Variants in TGFB2 observed in about 807,000 individuals in gnomAD.
TGFB2 encodes transforming growth factor beta 2.
Under a neutral mutation model 42.7 loss-of-function variants are expected in TGFB2, and 13 were observed. The ratio of observed to expected loss-of-function variants is 0.30; its 90% confidence interval spans 0.20 to 0.48. TGFB2 has a LOEUF of 0.48. TGFB2 is among the 20% of genes least tolerant of loss of function. The pLI is 0.99. For synonymous variants in TGFB2, 193 were observed against 193.6 expected (o/e 1.00, Z 0.03); for missense variants, 390 against 517.5 (o/e 0.75, Z 2.39).
chr1:218,366,184 G>A (rs1657380256), intron 1 of TGFB2, among the ~76,000 whole-genome samples: 2 of 152,180 alleles, frequency 1.3e-5, no homozygotes, highest in Non-Finnish European at 1.5e-5. Context: ...GTAGAGATAA[G>A]TCTCTCTATG....
chr1:218,403,168 T>C (rs1254415003), intron 1 of TGFB2, among the ~76,000 whole-genome samples: 1 of 152,078 alleles, frequency 6.6e-6, no homozygotes, highest in Non-Finnish European at 1.5e-5. Context: ...GCATGAATAC[T>C]TTTTTTCTTT....
chr1:218,427,813 T>G (rs1659673420), intron 2 of TGFB2, among the ~76,000 whole-genome samples: 1 of 152,236 alleles, frequency 6.6e-6, no homozygotes, highest in Non-Finnish European at 1.5e-5. Context: ...TGTGTCTTTA[T>G]AGCAGCATGA....
At chr1:218,354,630 T>C (rs913948166) in intron 1 of TGFB2, among the ~76,000 whole-genome samples, 6 of 152,180 alleles carry the variant, frequency 3.9e-5, no homozygotes, top group Non-Finnish European at 7.3e-5. Context: ...TTATGGAAAT[T>C]AGACTTTCAG....
At chr1:218,353,123 A>G (rs776259118) in intron 1 of TGFB2, among the ~76,000 whole-genome samples, 7 of 152,220 alleles carry the variant, frequency 4.6e-5, no homozygotes, top group Non-Finnish European at 1.0e-4. Flanking sequence ...ATTGATTTTA[A>G]GAGAGGGTCT....
chr1:218,431,411 G>T (rs1318025611), intron 2 of TGFB2, among the ~76,000 whole-genome samples: 2 of 152,140 alleles, frequency 1.3e-5, no homozygotes, highest in Non-Finnish European at 1.5e-5. Context: ...TTGGCATTAT[G>T]TGTCTTTTCT....
Position 218,443,974 on chromosome 1 carries a change from GTAAA to G in TGFB2, c.*2618_*2621del, listed in dbSNP as rs1361678037. 6.6e-6 allele frequency: 1 copy of G among 152,044 alleles called. No individual in the cohort carries two copies. The highest frequency in any genetic ancestry group is 1.5e-5 in the Non-Finnish European group (1 of 68,026). The allele number at this position is 152,044 out of a possible 1,614,324, so 9.4% of individuals were successfully genotyped here. ...TGTCTGTTTTTGTGGTGCTCTAGTG[GTAAA>G]TAAATTATTTCGATGATATGTGGAT... On this transcript the variant is annotated 3_prime_UTR_variant, in exon 7 of 7. Coordinates refer to ENST00000366930, the MANE Select transcript of TGFB2 (RefSeq NM_003238.6).
chr1:218,420,173 C>G (rs527353947), intron 2 of TGFB2, among the ~76,000 whole-genome samples: 4 of 152,284 alleles, frequency 2.6e-5, no homozygotes, highest in Non-Finnish European at 2.9e-5. Flanking sequence ...CAGTCTTTCC[C>G]TCAATGGCAG....
At chr1:218,433,446 T>A (rs1291282598) in intron 2 of TGFB2, among the ~76,000 whole-genome samples, 3 of 152,242 alleles carry the variant, frequency 2.0e-5, no homozygotes, top group African/African-American at 4.8e-5. Flanking sequence ...ACCAAACTAC[T>A]TCTGCTGAGA....
chr1:218,420,014 A>G (rs1376565982), intron 2 of TGFB2, among the ~76,000 whole-genome samples: 1 of 152,170 alleles, frequency 6.6e-6, no homozygotes, highest in Non-Finnish European at 1.5e-5. Context: ...CAGGCCACAT[A>G]TGTTATAGGT....
intron 2 of TGFB2, among the ~76,000 whole-genome samples, chr1:218,411,137 C>G (rs917627877): frequency 6.6e-6 from 1 of 152,210 alleles, no homozygotes; most frequent in South Asian, 2.1e-4. Flanking sequence ...CACACCCTTT[C>G]AATAGTCATT....
At chr1:218,388,642 G>A (rs913161745) in intron 1 of TGFB2, among the ~76,000 whole-genome samples, 14 of 152,166 alleles carry the variant, frequency 9.2e-5, no homozygotes, top group Non-Finnish European at 1.6e-4. Context: ...TATGTCGGGA[G>A]CCGCTGAATA....
At chr1:218,400,316 C>T (rs567455681) in intron 1 of TGFB2, among the ~76,000 whole-genome samples, 68 of 152,144 alleles carry the variant, frequency 4.5e-4, no homozygotes, top group Non-Finnish European at 7.3e-4. Context: ...CGCTCTCCAA[C>T]TGTCACGGTG....
chr1:218,431,073 C>A lies in TGFB2; in HGVS notation c.511-3009C>A, dbSNP rs1326638657. 2.0e-5 allele frequency among the ~76,000 whole-genome samples: 3 copies of A among 152,290 alleles called. No homozygotes were observed. The East Asian group carries it at 5.8e-4, about 29-fold the overall frequency. On this transcript the variant is annotated intron_variant, in intron 2 of 6. Coordinates refer to ENST00000366930, the MANE Select transcript of TGFB2 (RefSeq NM_003238.6). ...AACTCTTTGGCCATGAAGTTCAAGA[C>A]AACAAATCCACCAGACAAAAGTCGC...
chr1:218,382,814 C>T (rs1156297750), intron 1 of TGFB2, among the ~76,000 whole-genome samples: 1 of 152,170 alleles, frequency 6.6e-6, no homozygotes, highest in Non-Finnish European at 1.5e-5. Context: ...CAAACTTCTG[C>T]TCCCAACACA....
rs545217391 is a variant in TGFB2, at chr1:218,363,948, G to A, written c.346+16901G>A. Among the ~76,000 whole-genome samples, 94 of 152,200 alleles carry A rather than the reference G, an allele frequency of 6.2e-4. 1 individual carries two copies. Among genetic ancestry groups the A allele is most frequent in the African/African-American group, 2.3e-3 (94 of 41,516 alleles). On this transcript the variant is annotated intron_variant, in intron 1 of 6. Coordinates refer to ENST00000366930, the MANE Select transcript of TGFB2 (RefSeq NM_003238.6). Reference sequence around the variant, plus strand: ...GCAGTCCAGGATGGCCTTGAATGCGGCCCAATGTAAATTTGTAAATTTTCT... The same window carrying A: ...GCAGTCCAGGATGGCCTTGAATGCGACCCAATGTAAATTTGTAAATTTTCT...
chr1:218,415,555 C>T (rs549603295), intron 2 of TGFB2, among the ~76,000 whole-genome samples: 3 of 151,746 alleles, frequency 2.0e-5, no homozygotes, highest in African/African-American at 4.8e-5. Context: ...ATTAGCCAGG[C>T]GTGGTGGCGG....
rs1480060834 is a variant in TGFB2, at chr1:218,345,372, C to G, written c.-1330C>G. 6.6e-6 allele frequency: 1 copy of G among 152,220 alleles called. No homozygotes were observed. Among genetic ancestry groups the G allele is most frequent in the Non-Finnish European group, 1.5e-5 (1 of 68,082 alleles). The allele number at this position is 152,220 out of a possible 1,614,324, so 9.4% of individuals were successfully genotyped here. On this transcript the variant is annotated 5_prime_UTR_variant, in exon 1 of 7. Transcript: ENST00000366930. The stretch of plus-strand genomic sequence containing the variant: ...CTGGCAGCAGAAGGTTCGCTCCGAG[C>G]GGAGCTCCAGAAGCTCCTGACAAGA...
intron 2 of TGFB2, among the ~76,000 whole-genome samples, chr1:218,422,032 T>G (rs921466200): frequency 2.0e-5 from 3 of 152,106 alleles, no homozygotes; most frequent in Non-Finnish European, 4.4e-5. Context: ...TAAGTTAGTG[T>G]TATAAGTCAC....
At chr1:218,412,014 C>T (rs990120970) in intron 2 of TGFB2, among the ~76,000 whole-genome samples, 2 of 152,178 alleles carry the variant, frequency 1.3e-5, no homozygotes, top group Non-Finnish European at 2.9e-5. Context: ...AAAGAAGTTG[C>T]AGCCATCTTT....
Sources: allele counts gnomAD v4.1 joint callset (sites outside exome capture counted in the v4.1 genomes callset), GRCh38; gene constraint gnomAD v4.1.1; transcripts MANE v1.5; gene names NCBI Gene and HGNC (gene_info 2026-07-23, HGNC 2026-07-21).